Variants in RTTN observed in about 807,000 individuals in gnomAD.
RTTN encodes rotatin.
A neutral mutation model predicts 269.2 loss-of-function variants in RTTN; 182 were observed. That is an observed-to-expected ratio of 0.68 (90% CI 0.60 to 0.76). The LOEUF (loss-of-function observed/expected upper bound fraction) is 0.76. Among genes scored for constraint, RTTN ranks in the 30% least tolerant of loss-of-function variants. The pLI, the probability that RTTN is intolerant of heterozygous loss-of-function variation, is 0.00. For missense variants in RTTN, 2,545 were observed against 2,608.6 expected (o/e 0.98, Z 0.53); for synonymous variants, 1,006 against 963.5 (o/e 1.04, Z -0.82).
intron 28 of RTTN, among the ~76,000 whole-genome samples, chr18:70,101,434 AT>A (rs1416056927): frequency 3.3e-5 from 5 of 151,978 alleles, no homozygotes; most frequent in Admixed American, 6.6e-5. Context: ...CCCCTTTATC[AT>A]TTTTTATTGC....
At chr18:70,162,458 A>G (rs2060856492) in intron 14 of RTTN, among the ~76,000 whole-genome samples, 1 of 152,204 alleles carries the variant, frequency 6.6e-6, no homozygotes, top group South Asian at 2.1e-4. Flanking sequence ...TAATTGACTC[A>G]CAGTTCTGCA....
intron 13 of RTTN, 94 bp downstream of exon 13, chr18:70,166,825 G>T: frequency 1.3e-6 from 1 of 771,866 alleles, no homozygotes. Context: ...TAATAACAAA[G>T]ATATACAGTC....
chr18:70,192,661 C>T (rs2061700540), intron 8 of RTTN, among the ~76,000 whole-genome samples: 1 of 123,302 alleles, frequency 8.1e-6, no homozygotes, highest in Non-Finnish European at 1.7e-5. Context: ...GAGAGTGAGA[C>T]CTTGTCTCAA....
rs912820570 is a variant in RTTN at position 70,199,515 on chromosome 18, AAG to A, written c.488-13_488-12del. On this transcript the variant is annotated splice_polypyrimidine_tract_variant and intron_variant, in intron 4 of 48. Coordinates refer to ENST00000640769, the MANE Select transcript of RTTN (RefSeq NM_173630.4). Reference sequence around the variant, plus strand: ...TCACAGTCTGATTTACTGTCAGTGAAAGAGCAAATCTTATGGTATCAAAGAAT... The same window carrying A: ...TCACAGTCTGATTTACTGTCAGTGAAAGCAAATCTTATGGTATCAAAGAAT... 2 of 1,560,794 alleles carry A rather than the reference AAG, an allele frequency of 1.3e-6. No homozygotes were observed.
intron 46 of RTTN, among the ~76,000 whole-genome samples, chr18:70,015,705 C>A (rs548982734): frequency 4.6e-5 from 7 of 152,206 alleles, no homozygotes; most frequent in African/African-American, 1.7e-4. Flanking sequence ...TTGCTGACTA[C>A]AAAGAAATGC....
In RTTN at chr18:70,040,095, C is replaced by T. The variant is rs532496170; in HGVS notation, c.5541+7876G>A. The stretch of plus-strand genomic sequence containing the variant: ...AACAATTAGAAAACAAATAACAAAA[C>T]GGCAGAAGGCAGTCCCTACTTGTCA... On this transcript the variant is annotated intron_variant, in intron 40 of 48. Coordinates refer to ENST00000640769, the MANE Select transcript of RTTN (RefSeq NM_173630.4). 5.9e-5 allele frequency among the ~76,000 whole-genome samples: 9 copies of T among 151,986 alleles called. No individual in the cohort carries two copies. The South Asian group carries it at 6.2e-4, about 11-fold the overall frequency.
intron 37 of RTTN, 73 bp downstream of exon 37, chr18:70,057,669 G>A: frequency 9.5e-7 from 1 of 1,057,966 alleles, no homozygotes; most frequent in South Asian, 1.3e-5. Flanking sequence ...CCTATGACTA[G>A]TATCTCCTCA....
intron 45 of RTTN, among the ~76,000 whole-genome samples, chr18:70,018,488 T>C (rs1404756533): frequency 6.6e-6 from 1 of 152,144 alleles, no homozygotes; most frequent in Non-Finnish European, 1.5e-5. Flanking sequence ...AGAATAACTC[T>C]TCTCTCTCTC....
intron 28 of RTTN, among the ~76,000 whole-genome samples, chr18:70,105,357 T>C (rs575866658): frequency 6.6e-6 from 1 of 152,324 alleles, no homozygotes; most frequent in South Asian, 2.1e-4. Flanking sequence ...AAGCACAGTA[T>C]TAGGGTGGAA....
Position 70,006,474 on chromosome 18 carries a change from A to C in RTTN, c.6432T>G (p.Ile2144Met). The change falls in exon 47 of 49, where the codon ATT (isoleucine) becomes ATG (methionine). Residue 2144 changes from isoleucine (I) to methionine (M), a missense_variant. By Grantham distance (10) the Ile-to-Met change is conservative. Coordinates refer to ENST00000640769, the MANE Select transcript of RTTN (RefSeq NM_173630.4). Reference protein sequence around the residue: ...KPKILANEKVITVLAACLESE... With the variant: ...KPKILANEKVMTVLAACLESE... ...TTTCCAGACAGGCAGCAAGCACAGT[A>C]ATGACTTTTTCTAAAAATGAACATA... 1.9e-6 allele frequency: 3 copies of C among 1,613,386 alleles called. No homozygotes were observed. The highest frequency in any genetic ancestry group is 2.5e-6 in the Non-Finnish European group (3 of 1,179,352).
At position 70,127,751 on chromosome 18, in the gene RTTN, A is replaced by C. The variant is rs1198285176; in HGVS notation, c.3144-10T>G. The C allele has an allele frequency of 6.3e-7, 1 of 1,598,778 alleles. No homozygotes were observed. The highest frequency in any genetic ancestry group is 2.2e-5 in the East Asian group (1 of 44,610). ...CAATGCATCTAAAATTCTAGACAAAAAGAAAAAAAATGAAGGAGGAACATA... is the reference window on the plus strand; with the variant it reads ...CAATGCATCTAAAATTCTAGACAAACAGAAAAAAAATGAAGGAGGAACATA... On this transcript the variant is annotated splice_polypyrimidine_tract_variant and intron_variant, in intron 24 of 48. Coordinates refer to ENST00000640769, the MANE Select transcript of RTTN (RefSeq NM_173630.4).
chr18:70,139,354 A>G (rs1380236161), intron 21 of RTTN, among the ~76,000 whole-genome samples: 4 of 152,218 alleles, frequency 2.6e-5, no homozygotes, highest in Admixed American at 6.5e-5. Context: ...GATGACATCT[A>G]CATCAAGGCA....
chr18:70,087,252 C>T (rs1158489179), intron 31 of RTTN, among the ~76,000 whole-genome samples: 1 of 152,058 alleles, frequency 6.6e-6, no homozygotes, highest in Admixed American at 6.6e-5. Context: ...GATGAAATAA[C>T]CATAATGGGA....
At chr18:70,021,880 G>T (rs939541922) in intron 44 of RTTN, among the ~76,000 whole-genome samples, 2 of 152,068 alleles carry the variant, frequency 1.3e-5, no homozygotes, top group Non-Finnish European at 2.9e-5. Context: ...AACTAGATGG[G>T]CTCCTTAACT....
At chr18:70,097,752 G>A (rs922799359) in intron 28 of RTTN, among the ~76,000 whole-genome samples, 6 of 152,158 alleles carry the variant, frequency 3.9e-5, no homozygotes, top group African/African-American at 1.4e-4. Flanking sequence ...ATGGACTACT[G>A]CCTTTTTGCC....
intron 35 of RTTN, among the ~76,000 whole-genome samples, chr18:70,064,197 G>C (rs543188689): frequency 6.6e-6 from 1 of 151,262 alleles, no homozygotes; most frequent in East Asian, 1.9e-4. Context: ...AATTAGGCAG[G>C]TGTACCGGCA....
intron 40 of RTTN, among the ~76,000 whole-genome samples, chr18:70,032,232 C>T (rs1391167718): frequency 6.6e-6 from 1 of 152,196 alleles, no homozygotes; most frequent in South Asian, 2.1e-4. Flanking sequence ...CTGGTCCACC[C>T]TTTGGTCTGC....
intron 43 of RTTN, among the ~76,000 whole-genome samples, chr18:70,028,254 G>T (rs557791948): frequency 6.6e-6 from 1 of 151,586 alleles, no homozygotes; most frequent in South Asian, 2.1e-4. Flanking sequence ...CCATGTAAAT[G>T]GTCACAGGGA....
chr18:70,154,438 G>A (rs1032666868), intron 14 of RTTN, among the ~76,000 whole-genome samples: 5 of 151,904 alleles, frequency 3.3e-5, no homozygotes, highest in African/African-American at 1.2e-4. Context: ...ATATCAAATC[G>A]TATTCCACCA....
Sources: gnomAD v4.1 joint callset for allele counts (sites outside exome capture counted in the v4.1 genomes callset) on GRCh38, gnomAD v4.1.1 for gene constraint, MANE v1.5 for transcripts, NCBI Gene and HGNC (gene_info 2026-07-23, HGNC 2026-07-21) for gene names.